Variants in GSE1 observed in about 807,000 individuals in gnomAD.
GSE1 encodes Gse1 coiled-coil protein.
GSE1 carries 32 observed loss-of-function variants against 112.6 expected under a neutral mutation model. That is an observed-to-expected ratio of 0.28 (90% CI 0.21 to 0.38). The LOEUF is 0.38. Ranked by LOEUF, GSE1 falls within the 10% of genes least tolerant of loss-of-function variation. The pLI, the probability that GSE1 is intolerant of heterozygous loss-of-function variation, is 1.00. For synonymous variants in GSE1, 1,115 were observed against 735.6 expected (o/e 1.52, Z -8.35); for missense variants, 2,348 against 1,699.2 (o/e 1.38, Z -6.71).
At chr16:85,551,999 C>T (rs529237133), upstream of GSE1, among the ~76,000 whole-genome samples, 1 of 152,150 alleles carries the variant, frequency 6.6e-6, no homozygotes, top group African/African-American at 2.4e-5. Flanking sequence ...GCCCCTGCTT[C>T]GCCTCCGTGC....
intron 2 of GSE1, among the ~76,000 whole-genome samples, chr16:85,478,401 C>T (rs570492708): frequency 6.6e-6 from 1 of 152,042 alleles, no homozygotes; most frequent in African/African-American, 2.4e-5. Flanking sequence ...GTTGCGGGCA[C>T]CTGTAGTCCC....
At chr16:85,432,053 C>T (rs1037360609) in intron 2 of GSE1, among the ~76,000 whole-genome samples, 1 of 152,194 alleles carries the variant, frequency 6.6e-6, no homozygotes, top group Non-Finnish European at 1.5e-5. Context: ...TAGCTGCACG[C>T]CCCCGAACTC....
intron 1 of GSE1, among the ~76,000 whole-genome samples, chr16:85,558,985 G>C (rs1049143232): frequency 7.2e-5 from 11 of 152,168 alleles, no homozygotes; most frequent in Admixed American, 1.3e-4. Flanking sequence ...AGCCTCCCGA[G>C]TAGCTGGTAT....
upstream of GSE1, chr16:85,555,145 C>G (rs1462229549): frequency 1.4e-5 from 14 of 985,314 alleles, no homozygotes; most frequent in Non-Finnish European, 1.7e-5. Flanking sequence ...CCGCTGCGCC[C>G]CTACCCTTTC....
At chr16:85,652,742 C>T (rs545231008) in intron 3 of GSE1, among the ~76,000 whole-genome samples, 49 of 152,038 alleles carry the variant, frequency 3.2e-4, no homozygotes, top group Middle Eastern at 6.8e-3. Flanking sequence ...GACACAGGCA[C>T]GGCCCCTGGG....
intron 1 of GSE1, among the ~76,000 whole-genome samples, chr16:85,602,987 C>A (rs1266524658): frequency 1.3e-5 from 2 of 152,260 alleles, no homozygotes; most frequent in Non-Finnish European, 2.9e-5. Flanking sequence ...GCCATCCCAT[C>A]CCCTCCAGGC....
chr16:85,331,359 GTGTGTGTATATATGTA>G (rs1183817402), intron 1 of GSE1, among the ~76,000 whole-genome samples: 4 of 54,480 alleles, frequency 7.3e-5, no homozygotes, highest in African/African-American at 2.2e-4. Context: ...GTGTGTGTGT[GTGTGTGTATATATGTA>G]TATATATGTA....
chr16:85,667,179 C>G (rs550164824), intron 13 of GSE1, among the ~76,000 whole-genome samples: 1 of 151,652 alleles, frequency 6.6e-6, no homozygotes, highest in Non-Finnish European at 1.5e-5. Context: ...CCCTCCCTGC[C>G]CTTTGGCAGT....
At chr16:85,442,493 G>A (rs1187347636) in intron 2 of GSE1, among the ~76,000 whole-genome samples, 2 of 152,198 alleles carry the variant, frequency 1.3e-5, no homozygotes, top group Admixed American at 1.3e-4. Flanking sequence ...GGGGAGCCTC[G>A]GGCAGGCTAG....
At chr16:85,312,215 G>GGGA (rs2045874508) in intron 1 of GSE1, among the ~76,000 whole-genome samples, 1 of 151,624 alleles carries the variant, frequency 6.6e-6, no homozygotes, top group Non-Finnish European at 1.5e-5. Flanking sequence ...GGGGGGGGGG[G>GGGA]GGACACACTT....
At chr16:85,635,782 C>T (rs1218289934) in intron 2 of GSE1, among the ~76,000 whole-genome samples, 4 of 152,206 alleles carry the variant, frequency 2.6e-5, no homozygotes, top group African/African-American at 9.6e-5. Flanking sequence ...GCTGTGTCTG[C>T]TTTGGGGCCT....
chr16:85,517,343 A>G (rs1447039799), intron 2 of GSE1, among the ~76,000 whole-genome samples: 2 of 152,224 alleles, frequency 1.3e-5, no homozygotes, highest in Non-Finnish European at 2.9e-5. Context: ...TCCCCGTGCC[A>G]CAGCTTTCTC....
At chr16:85,251,894 T>G (rs1906525960) in intron 1 of GSE1, among the ~76,000 whole-genome samples, 1 of 152,216 alleles carries the variant, frequency 6.6e-6, no homozygotes, top group African/African-American at 2.4e-5. Context: ...GTCCCTGCTG[T>G]GTGCTCAGAG....
chr16:85,411,141 A>C (rs1288162194), intron 2 of GSE1, among the ~76,000 whole-genome samples: 16 of 89,594 alleles, frequency 1.8e-4, no homozygotes, highest in African/African-American at 9.9e-4. Context: ...CGTTACACTC[A>C]GGGCCCCCCT....
At chr16:85,625,235 G>A (rs1045450741) in intron 1 of GSE1, among the ~76,000 whole-genome samples, 1 of 152,098 alleles carries the variant, frequency 6.6e-6, no homozygotes, top group South Asian at 2.1e-4. Flanking sequence ...CTGCTTCTCC[G>A]CACACACAGC....
chr16:85,672,258 G>A, intron 15 of GSE1, 147 bp from the exon 16 acceptor site: 3 of 642,996 alleles, frequency 4.7e-6, no homozygotes, highest in South Asian at 1.8e-5. Context: ...ACCTCCAAAA[G>A]TGCTGGGATT....
At chr16:85,634,650 G>A (rs1462558710) in intron 2 of GSE1, among the ~76,000 whole-genome samples, 1 of 152,078 alleles carries the variant, frequency 6.6e-6, no homozygotes, top group East Asian at 1.9e-4. Flanking sequence ...ACTGTGGGGA[G>A]CATAGACAAG....
intron 1 of GSE1, among the ~76,000 whole-genome samples, chr16:85,205,655 GCCCCTGCCCATCT>G (rs1304648667): frequency 1.3e-5 from 2 of 152,172 alleles, no homozygotes; most frequent in Non-Finnish European, 2.9e-5. Flanking sequence ...AGCTGTGGAG[GCCCCTGCCCATCT>G]CCCCTGCCCT....
chr16:85,179,420 G>A (rs914498824), intron 1 of GSE1, among the ~76,000 whole-genome samples: 1 of 152,152 alleles, frequency 6.6e-6, no homozygotes, highest in Non-Finnish European at 1.5e-5. Flanking sequence ...ACATCGGCTT[G>A]TTTCTGCTTT....
Sources: allele counts gnomAD v4.1 joint callset (sites outside exome capture counted in the v4.1 genomes callset), GRCh38; gene constraint gnomAD v4.1.1; transcripts MANE v1.5; gene names NCBI Gene and HGNC (gene_info 2026-07-23, HGNC 2026-07-21).